TRPC7: variants seen among roughly 807,000 people sequenced by gnomAD.
The protein encoded by TRPC7 is short transient receptor potential channel 7.
TRPC7 carries 42 observed loss-of-function variants against 90.1 expected under a neutral mutation model. The ratio of observed to expected loss-of-function variants is 0.47; its 90% CI spans 0.36 to 0.60. The LOEUF (loss-of-function observed/expected upper bound fraction) is 0.60. Among genes scored for constraint, TRPC7 ranks in the 20% least tolerant of loss-of-function variants. The pLI is 0.00. For missense variants in TRPC7, 955 were observed against 1,112.3 expected (o/e 0.86, Z 2.01); for synonymous variants, 451 against 436.3 (o/e 1.03, Z -0.42).
chr5:136,307,032 T>C (rs1758660406), intron 3 of TRPC7, among the ~76,000 whole-genome samples: 1 of 152,334 alleles, frequency 6.6e-6, no homozygotes, highest in African/African-American at 2.4e-5. Context: ...AAAATAGTTG[T>C]ATGTATTTAT....
At chr5:136,340,663 C>A (rs916281464) in intron 2 of TRPC7, among the ~76,000 whole-genome samples, 2 of 151,766 alleles carry the variant, frequency 1.3e-5, no homozygotes, top group African/African-American at 4.8e-5. Flanking sequence ...AATAAGAAAG[C>A]ATAAAATTTG....
At chr5:136,343,085 CA>C (rs1319585154) in intron 2 of TRPC7, among the ~76,000 whole-genome samples, 2 of 151,876 alleles carry the variant, frequency 1.3e-5, no homozygotes, top group Non-Finnish European at 2.9e-5. Flanking sequence ...ACTCTGTATA[CA>C]AAAGCAAACT....
chr5:136,326,877 T>A (rs111552521), intron 2 of TRPC7, among the ~76,000 whole-genome samples: 1 of 152,020 alleles, frequency 6.6e-6, no homozygotes, highest in Non-Finnish European at 1.5e-5. Context: ...AGGACTTTGA[T>A]GGGGAGAGGG....
At chr5:136,327,081 G>T (rs1561720261) in intron 2 of TRPC7, among the ~76,000 whole-genome samples, 1 of 152,242 alleles carries the variant, frequency 6.6e-6, no homozygotes, top group Middle Eastern at 3.4e-3. Context: ...CGATGACTAA[G>T]GTACAGAGGA....
intron 5 of TRPC7, among the ~76,000 whole-genome samples, chr5:136,262,772 G>A (rs973873306): frequency 6.6e-6 from 1 of 152,192 alleles, no homozygotes; most frequent in Non-Finnish European, 1.5e-5. Flanking sequence ...TGATCCCTAA[G>A]TAAAGGGAAA....
chr5:136,213,048 GTTTGTC>G lies in TRPC7; in HGVS notation c.*381_*386del. 6.6e-6 allele frequency among the ~76,000 whole-genome samples: 1 copy of G among 152,322 alleles called. No homozygotes were observed. The highest frequency in any genetic ancestry group is 1.9e-4 in the East Asian group (1 of 5,168). Reference sequence around the variant, plus strand: ...TGAGAAGGAGTTTGTGGGTTGAGGTGTTTGTCTTCCCAGGACACAGCCAGAGCTGCA... The same window carrying G: ...TGAGAAGGAGTTTGTGGGTTGAGGTGTTCCCAGGACACAGCCAGAGCTGCA... On this transcript the variant is annotated 3_prime_UTR_variant, in exon 12 of 12. Coordinates refer to ENST00000513104, the MANE Select transcript of TRPC7 (RefSeq NM_020389.3).
At chr5:136,282,443 A>C (rs577486279) in intron 3 of TRPC7, among the ~76,000 whole-genome samples, 1 of 152,186 alleles carries the variant, frequency 6.6e-6, no homozygotes, top group Non-Finnish European at 1.5e-5. Context: ...TTATTTTTAC[A>C]TAATTATTTT....
chr5:136,219,299 A>G (rs1755375425), intron 10 of TRPC7, among the ~76,000 whole-genome samples: 1 of 152,262 alleles, frequency 6.6e-6, no homozygotes. Flanking sequence ...GCAAAGGTTT[A>G]CTTTGAAGCT....
intron 2 of TRPC7, among the ~76,000 whole-genome samples, chr5:136,334,664 T>C (rs1217849563): frequency 6.6e-6 from 1 of 152,240 alleles, no homozygotes; most frequent in Non-Finnish European, 1.5e-5. Flanking sequence ...CCTGTCAAAG[T>C]GCTCTCCATA....
chr5:136,349,812 G>C (rs1445340729), intron 2 of TRPC7, among the ~76,000 whole-genome samples: 1 of 152,126 alleles, frequency 6.6e-6, no homozygotes, highest in African/African-American at 2.4e-5. Context: ...AGTCATGCAT[G>C]GCATAATAGC....
intron 1 of TRPC7, among the ~76,000 whole-genome samples, chr5:136,362,625 CACT>C (rs950794941): frequency 6.6e-6 from 1 of 152,080 alleles, no homozygotes; most frequent in African/African-American, 2.4e-5. Flanking sequence ...ATTAATTAAC[CACT>C]TTTCCGAAGC....
chr5:136,348,710 G>T lies in TRPC7; in HGVS notation c.780+7898C>A, dbSNP rs573756383. 2.0e-5 allele frequency among the ~76,000 whole-genome samples: 3 copies of T among 152,236 alleles called. No homozygotes were observed. In the South Asian group the frequency reaches 6.2e-4, roughly 32 times the overall value. On this transcript the variant is annotated intron_variant, in intron 2 of 11. Coordinates refer to ENST00000513104, the MANE Select transcript of TRPC7 (RefSeq NM_020389.3). The stretch of plus-strand genomic sequence containing the variant: ...TCAGATGGCTCTGTTACTAGGGCCT[G>T]CCTACCTCTGATATTCTGTGAGTCT...
intron 3 of TRPC7, chr5:136,303,657 C>T (rs1423405009): frequency 6.6e-6 from 1 of 152,072 alleles, no homozygotes; most frequent in Non-Finnish European, 1.5e-5. Flanking sequence ...CGTGTCCCAT[C>T]TGTGTGGGAC....
At chr5:136,225,178 G>A in intron 10 of TRPC7, 96 bp downstream of exon 10, 3 of 1,058,846 alleles carry the variant, frequency 2.8e-6, no homozygotes. Flanking sequence ...GAATGAAGCT[G>A]TGTTCTCGGG....
intron 2 of TRPC7, among the ~76,000 whole-genome samples, chr5:136,351,788 AT>A (rs1580986824): frequency 6.6e-6 from 1 of 152,230 alleles, no homozygotes; most frequent in East Asian, 1.9e-4. Flanking sequence ...CATTATTTGC[AT>A]TTTTAATTTG....
chr5:136,341,714 C>A (rs1487764975), intron 2 of TRPC7, among the ~76,000 whole-genome samples: 1 of 152,130 alleles, frequency 6.6e-6, no homozygotes, highest in African/African-American at 2.4e-5. Context: ...TATTCCTGTA[C>A]AACAGTCGCT....
intron 3 of TRPC7, among the ~76,000 whole-genome samples, chr5:136,305,246 A>C (rs1315783764): frequency 6.6e-6 from 1 of 151,594 alleles, no homozygotes; most frequent in Non-Finnish European, 1.5e-5. Context: ...CCATTTCCCC[A>C]TATTTCCTTC....
Position 136,251,612 on chromosome 5 carries a change from C to G in TRPC7, c.1579+37G>C. ...AAGCACCAGGCCCACGTCCCGGAAGCGCCAAAATGGAGTAGGGGAAGCACT... is the reference window on the plus strand; with the variant it reads ...AAGCACCAGGCCCACGTCCCGGAAGGGCCAAAATGGAGTAGGGGAAGCACT... On this transcript the variant is annotated intron_variant, in intron 6 of 11. Transcript: ENST00000513104. 2.6e-6 allele frequency: 4 copies of G among 1,517,048 alleles called. No homozygotes were observed. The South Asian group carries it at 4.7e-5, about 18-fold the overall frequency. The allele number at this position is 1,517,048 out of a possible 1,614,324, so 94.0% of individuals were successfully genotyped here.
At chr5:136,332,432 A>G (rs1759531820) in intron 2 of TRPC7, among the ~76,000 whole-genome samples, 1 of 152,120 alleles carries the variant, frequency 6.6e-6, no homozygotes, top group Non-Finnish European at 1.5e-5. Context: ...GAGAGTTGAC[A>G]TATGATTTAT....
Sources: allele counts gnomAD v4.1 joint callset (sites outside exome capture counted in the v4.1 genomes callset), GRCh38; gene constraint gnomAD v4.1.1; transcripts MANE v1.5; gene names NCBI Gene and HGNC (gene_info 2026-07-23, HGNC 2026-07-21).